TOGARAM2: variants seen among roughly 807,000 people sequenced by gnomAD.
The protein encoded by TOGARAM2 is TOG array regulator of axonemal microtubules protein 2.
TOGARAM2 carries 85 observed loss-of-function variants against 93.3 expected under a neutral mutation model. The ratio of observed to expected loss-of-function variants is 0.91; its 90% confidence interval spans 0.76 to 1.09. The LOEUF (loss-of-function observed/expected upper bound fraction) is 1.09, where lower values mean the gene tolerates loss of function less well. Ranked by LOEUF, TOGARAM2 falls within the 50% of genes least tolerant of loss-of-function variation. The pLI is 0.00. For synonymous variants in TOGARAM2, 593 were observed against 552.8 expected, an observed-to-expected ratio of 1.07 and a Z score of -1.02; for missense variants, 1,277 against 1,334.5, an observed-to-expected ratio of 0.96 and a Z score of 0.67.
intron 18 of TOGARAM2, among the ~76,000 whole-genome samples, chr2:29,039,151 G>T (rs567593007): frequency 6.6e-5 from 10 of 152,314 alleles, no homozygotes; most frequent in South Asian, 6.2e-4. Flanking sequence ...TGAGCCTGGT[G>T]GTTCTAGTGG....
At chr2:29,009,305 G>A (rs1664074544) in intron 6 of TOGARAM2, among the ~76,000 whole-genome samples, 1 of 152,216 alleles carries the variant, frequency 6.6e-6, no homozygotes, top group Non-Finnish European at 1.5e-5. Context: ...AAGGGCCTGT[G>A]TGCCAACTGA....
At chr2:29,001,752 C>T (rs1482432817) in intron 4 of TOGARAM2, among the ~76,000 whole-genome samples, 3 of 152,200 alleles carry the variant, frequency 2.0e-5, no homozygotes, top group Non-Finnish European at 4.4e-5. Flanking sequence ...TCTCGGCCTC[C>T]CAAAGTGTGT....
At chr2:28,966,600 T>C (rs1572616453) in intron 1 of TOGARAM2, among the ~76,000 whole-genome samples, 1 of 152,158 alleles carries the variant, frequency 6.6e-6, no homozygotes, top group East Asian at 1.9e-4. Context: ...CTGGCCAAAT[T>C]ATTGTAATAA....
chr2:29,002,099 G>A (rs1446755075), intron 4 of TOGARAM2, among the ~76,000 whole-genome samples: 1 of 152,148 alleles, frequency 6.6e-6, no homozygotes, highest in Non-Finnish European at 1.5e-5. Flanking sequence ...CACATCACCA[G>A]CCGAAAAGGA....
chr2:29,006,486 G>A (rs1663879110), intron 6 of TOGARAM2, among the ~76,000 whole-genome samples: 1 of 151,784 alleles, frequency 6.6e-6, no homozygotes, highest in Non-Finnish European at 1.5e-5. Context: ...GTGAGTGCAT[G>A]TGTGTGGAGT....
intron 19 of TOGARAM2, chr2:29,047,361 T>A (rs946968965): frequency 6.6e-6 from 1 of 152,220 alleles, no homozygotes; most frequent in Middle Eastern, 3.2e-3. Context: ...TGGGCAAGTA[T>A]CTTCACCTTA....
rs1303128282 is a variant in TOGARAM2 at position 29,029,734 on chromosome 2, C to G, written c.2012+2723C>G. 9.4e-5 allele frequency among the ~76,000 whole-genome samples: 13 copies of G among 138,716 alleles called. 1 individual carries two copies. The East Asian group carries it at 2.0e-3, about 21-fold the overall frequency. The allele number at this position is 138,716 out of a possible 152,430, so 91.0% of individuals were successfully genotyped here. ...TCGCGCCACTGCACTCCAGCCTGGG[C>G]GACAGAACAAGGCTCTGTCTAAAAA... is the stretch of plus-strand genomic sequence containing the variant. On this transcript the variant is annotated intron_variant, in intron 14 of 19. Transcript: ENST00000379558.
At chr2:29,018,415 C>T (rs930724493) in intron 10 of TOGARAM2, 1 of 155,318 alleles carries the variant, frequency 6.4e-6, no homozygotes, top group South Asian at 2.1e-4. Flanking sequence ...CCTCAGGAAT[C>T]GTGCCTGGGA....
intron 1 of TOGARAM2, among the ~76,000 whole-genome samples, chr2:28,974,877 C>A (rs1218770684): frequency 6.6e-6 from 1 of 151,986 alleles, no homozygotes; most frequent in Admixed American, 6.6e-5. Flanking sequence ...GTGATCCTCC[C>A]ACCTTGGCCT....
At chr2:29,035,699 G>A in intron 17 of TOGARAM2, 43 bp downstream of exon 17, 1 of 1,315,788 alleles carries the variant, frequency 7.6e-7, no homozygotes. Flanking sequence ...TCTCTCCTCT[G>A]GGGGGTGCAA....
intron 10 of TOGARAM2, 57 bp from the exon 11 acceptor site, chr2:29,022,101 T>A (rs1664989428): frequency 6.2e-7 from 1 of 1,608,746 alleles, no homozygotes; most frequent in South Asian, 1.1e-5. Flanking sequence ...GAGCGGCCAC[T>A]CGGGCTCTTG....
At chr2:28,973,847 G>C (rs4666156) in intron 1 of TOGARAM2, among the ~76,000 whole-genome samples, 24,889 of 152,030 alleles carry the variant, frequency 0.16, 2,260 homozygotes, top group East Asian at 0.3. Flanking sequence ...GCCATTCTTT[G>C]CGGGTAGGTC....
At chr2:28,957,715 C>A (rs1671747365) in intron 1 of TOGARAM2, among the ~76,000 whole-genome samples, 1 of 152,166 alleles carries the variant, frequency 6.6e-6, no homozygotes, top group Non-Finnish European at 1.5e-5. Context: ...CACACTCTTA[C>A]CTCATGAATG....
chr2:29,038,356 A>ATATG (rs1353141389), intron 18 of TOGARAM2, among the ~76,000 whole-genome samples: 2 of 152,178 alleles, frequency 1.3e-5, no homozygotes, highest in African/African-American at 2.4e-5. Flanking sequence ...TCTAATCCAT[A>ATATG]GGTCAGGGCT....
upstream of TOGARAM2, among the ~76,000 whole-genome samples, chr2:28,979,565 G>T (rs565628519): frequency 6.6e-6 from 1 of 152,292 alleles, no homozygotes; most frequent in South Asian, 2.1e-4. Flanking sequence ...ACCTGCTGGG[G>T]CCTCTCTCCA....
At chr2:29,036,835 G>A in intron 18 of TOGARAM2, 78 bp downstream of exon 18, 2 of 1,409,468 alleles carry the variant, frequency 1.4e-6, no homozygotes, top group East Asian at 5.0e-5. Flanking sequence ...AGGTGGATAA[G>A]GCCTTGGTTG....
chr2:29,032,970 G>A lies in TOGARAM2; in HGVS notation c.2049G>A (p.Ala683=), dbSNP rs369163745. 4.5e-5 allele frequency: 73 copies of A among 1,613,666 alleles called. No homozygotes were observed. In the African/African-American group the frequency reaches 6.5e-4, roughly 14 times the overall value. ...GGAAGATGGTGAATATCTTGATGGC[G>A]AACACTAAGTTTGATGCATTTCTGA... The part of the protein sequence containing the change: ...YGRKMVNILM[A]NTKFDAFLKQ... Residue 683 remains alanine, a synonymous_variant, in exon 15 of 20, where the codon GCG becomes GCA. Coordinates refer to ENST00000379558, the MANE Select transcript of TOGARAM2 (RefSeq NM_199280.4).
At chr2:29,022,959 T>G in intron 11 of TOGARAM2, 127 bp from the exon 12 acceptor site, 2 of 740,006 alleles carry the variant, frequency 2.7e-6, no homozygotes, top group Non-Finnish European at 4.5e-6. Context: ...TCTGAGGCCA[T>G]GGAATGGCAC....
In TOGARAM2 at chr2:29,024,204, C is replaced by G; in HGVS notation, c.1683C>G (p.Ala561=). 1 of 1,606,558 alleles carries G rather than the reference C, an allele frequency of 6.2e-7. No individual in the cohort carries two copies. Among genetic ancestry groups the G allele is most frequent in the Non-Finnish European group, 8.5e-7 (1 of 1,176,378 alleles). Residue 561 remains alanine (A), a synonymous_variant, in exon 13 of 20, where the codon GCC becomes GCG. Transcript: ENST00000379558. The part of the protein sequence containing the change: ...AISTLGDLFQ[A]LKKNMDQEAE... Reference sequence around the variant, plus strand: ...GCACCTTGGGAGACCTCTTCCAGGCCTTGAAGAAGAATATGGACCAGGAGG... The same window carrying G: ...GCACCTTGGGAGACCTCTTCCAGGCGTTGAAGAAGAATATGGACCAGGAGG...
Sources: gnomAD v4.1 joint callset for allele counts (sites outside exome capture counted in the v4.1 genomes callset) on GRCh38, gnomAD v4.1.1 for gene constraint, MANE v1.5 for transcripts, NCBI Gene and HGNC (gene_info 2026-07-23, HGNC 2026-07-21) for gene names.